GRID1: variants seen among roughly 807,000 people sequenced by gnomAD.
GRID1 encodes the protein glutamate receptor ionotropic, delta-1.
Under a neutral mutation model 98.0 loss-of-function variants are expected in GRID1, and 28 were observed. The observed-to-expected ratio is 0.29, with a 90% CI of 0.21 to 0.39. The LOEUF is 0.39. Ranked by LOEUF, GRID1 falls within the 10% of genes least tolerant of loss-of-function variation. GRID1 has a pLI of 1.00. For synonymous variants in GRID1, 553 were observed against 538.5 expected (o/e 1.03, Z -0.37); for missense variants, 1,111 against 1,340.5 (o/e 0.83, Z 2.67).
chr10:85,771,500 A>G (rs1378142913), intron 8 of GRID1, among the ~76,000 whole-genome samples: 1 of 152,142 alleles, frequency 6.6e-6, no homozygotes, highest in Non-Finnish European at 1.5e-5. Context: ...AATGGACTAA[A>G]TGCTCCAATT....
intron 7 of GRID1, among the ~76,000 whole-genome samples, chr10:85,855,138 C>T (rs367787951): frequency 6.6e-6 from 1 of 152,232 alleles, no homozygotes; most frequent in African/African-American, 2.4e-5. Context: ...GGCACATTGC[C>T]CATCTCCCAG....
At chr10:85,637,566 G>A (rs564047325) in intron 13 of GRID1, among the ~76,000 whole-genome samples, 19 of 152,216 alleles carry the variant, frequency 1.2e-4, no homozygotes, top group Non-Finnish European at 2.8e-4. Flanking sequence ...TACACATTTA[G>A]TAGAAATAAA....
intron 13 of GRID1, among the ~76,000 whole-genome samples, chr10:85,622,030 T>C (rs1423343814): frequency 1.3e-5 from 2 of 152,124 alleles, no homozygotes; most frequent in African/African-American, 4.8e-5. Context: ...ACATTTCAAG[T>C]GATGCTCCAA....
chr10:85,911,475 C>A (rs894684347), intron 5 of GRID1, among the ~76,000 whole-genome samples: 1 of 152,178 alleles, frequency 6.6e-6, no homozygotes, highest in African/African-American at 2.4e-5. Context: ...GGCCTGCTGA[C>A]TATACCTCCT....
At chr10:85,956,925 G>A (rs1400313104) in intron 4 of GRID1, among the ~76,000 whole-genome samples, 3 of 152,270 alleles carry the variant, frequency 2.0e-5, no homozygotes, top group African/African-American at 2.4e-5. Flanking sequence ...AAAGGAAAGA[G>A]GTTTAATTGA....
At chr10:85,632,848 C>A (rs768394261) in intron 13 of GRID1, among the ~76,000 whole-genome samples, 8 of 152,344 alleles carry the variant, frequency 5.3e-5, no homozygotes, top group Non-Finnish European at 1.2e-4. Context: ...TTAAGCCTCA[C>A]ATGCATTAAC....
At chr10:86,037,712 T>C (rs1261404786) in intron 4 of GRID1, among the ~76,000 whole-genome samples, 1 of 151,450 alleles carries the variant, frequency 6.6e-6, no homozygotes, top group Non-Finnish European at 1.5e-5. Context: ...AATGGATGCA[T>C]ACACCAAAAA....
chr10:85,914,432 C>G (rs961014540), intron 5 of GRID1, among the ~76,000 whole-genome samples: 1 of 152,156 alleles, frequency 6.6e-6, no homozygotes, highest in African/African-American at 2.4e-5. Context: ...GAGAAGTCAG[C>G]AAACCCCAGA....
intron 4 of GRID1, among the ~76,000 whole-genome samples, chr10:85,938,690 G>A (rs1393480879): frequency 6.6e-6 from 1 of 152,070 alleles, no homozygotes; most frequent in East Asian, 1.9e-4. Context: ...GTATTCTGGG[G>A]GCCAATTAAA....
intron 4 of GRID1, among the ~76,000 whole-genome samples, chr10:86,091,156 C>G (rs72835213): frequency 0.017 from 2,537 of 152,218 alleles, 40 homozygotes; most frequent in East Asian, 0.065. Flanking sequence ...TGGGGAAGGG[C>G]ACAAATCTGG....
chr10:85,635,770 G>T (rs1014607410), intron 13 of GRID1, among the ~76,000 whole-genome samples: 1 of 152,218 alleles, frequency 6.6e-6, no homozygotes, highest in Admixed American at 6.5e-5. Flanking sequence ...GCCCAGGGAA[G>T]GCTCAGGAGA....
At chr10:86,119,030 A>T (rs997017220) in intron 4 of GRID1, among the ~76,000 whole-genome samples, 1 of 152,174 alleles carries the variant, frequency 6.6e-6, no homozygotes, top group Non-Finnish European at 1.5e-5. Context: ...ACAAAAGGAC[A>T]TTCAGTAAAA....
In GRID1 at chr10:86,238,785, G is replaced by C. The variant is rs543972518; in HGVS notation, c.236-32137C>G. 3.9e-5 allele frequency among the ~76,000 whole-genome samples: 6 copies of C among 152,210 alleles called. No homozygotes were observed. The East Asian group carries it at 1.2e-3, about 29-fold the overall frequency. ...GGTGTTAAACCTGCAGGTGTGCAAA[G>C]TGTGCGAGTTGAGGCTTGGGAGCCT... On this transcript the variant is annotated intron_variant, in intron 2 of 15. Coordinates refer to ENST00000327946, the MANE Select transcript of GRID1 (RefSeq NM_017551.3).
intron 4 of GRID1, among the ~76,000 whole-genome samples, chr10:85,944,660 A>G (rs80053821): frequency 0.011 from 1,727 of 152,326 alleles, 21 homozygotes; most frequent in South Asian, 0.036. Flanking sequence ...GAGAAAGAAA[A>G]GAATGGAAGA....
chr10:85,957,668 G>A (rs1842212459), intron 4 of GRID1, among the ~76,000 whole-genome samples: 1 of 152,206 alleles, frequency 6.6e-6, no homozygotes, highest in African/African-American at 2.4e-5. Context: ...AGCCCATCTA[G>A]AACACCCTGA....
intron 4 of GRID1, among the ~76,000 whole-genome samples, chr10:85,968,115 G>A (rs1842360423): frequency 6.6e-6 from 1 of 152,106 alleles, no homozygotes; most frequent in Non-Finnish European, 1.5e-5. Context: ...AAAAATGAAG[G>A]TATAAATGTA....
At chr10:85,621,006 C>G (rs1041504989) in intron 13 of GRID1, among the ~76,000 whole-genome samples, 1 of 152,192 alleles carries the variant, frequency 6.6e-6, no homozygotes, top group Admixed American at 6.5e-5. Context: ...TACTCTGTCG[C>G]ACTCATCCAC....
chr10:86,250,231 A>G (rs1326773996), intron 2 of GRID1, among the ~76,000 whole-genome samples: 1 of 152,188 alleles, frequency 6.6e-6, no homozygotes, highest in Non-Finnish European at 1.5e-5. Context: ...GGAATAGGGC[A>G]GGTTTCCCTC....
intron 2 of GRID1, among the ~76,000 whole-genome samples, chr10:86,307,972 G>T (rs189861761): frequency 5.3e-5 from 8 of 152,202 alleles, no homozygotes; most frequent in African/African-American, 1.7e-4. Context: ...TTAACTACAG[G>T]CACCATGCTG....
Sources: gnomAD v4.1 joint callset for allele counts (sites outside exome capture counted in the v4.1 genomes callset) on GRCh38, gnomAD v4.1.1 for gene constraint, MANE v1.5 for transcripts, NCBI Gene and HGNC (gene_info 2026-07-23, HGNC 2026-07-21) for gene names.